MYEF2: variants seen among roughly 807,000 people sequenced by gnomAD.
The protein encoded by MYEF2 is myelin gene expression factor 2.
MYEF2 carries 37 observed loss-of-function variants against 75.2 expected under a neutral mutation model. The ratio of observed to expected loss-of-function variants is 0.49; its 90% CI spans 0.38 to 0.65. The LOEUF is 0.65. Among genes scored for constraint, MYEF2 ranks in the 30% least tolerant of loss-of-function variants. MYEF2 has a pLI of 0.00. For synonymous variants in MYEF2, 195 were observed against 241.6 expected, an observed-to-expected ratio of 0.81 and a Z score of 1.79; for missense variants, 634 against 771.4, an observed-to-expected ratio of 0.82 and a Z score of 2.11.
Position 48,135,041 on chromosome 15 carries a change from T to C in MYEF2, c.*7867A>G. ...TAGAGATTTTATGAATTTCTGATGG[T>C]TCAGTAATTTTTTTTCAGAAATGTT... On this transcript the variant is annotated 3_prime_UTR_variant, in exon 17 of 17. Transcript: ENST00000324324. 2.2e-6 allele frequency: 3 copies of C among 1,363,832 alleles called. No homozygotes were observed. Among genetic ancestry groups the C allele is most frequent in the Non-Finnish European group, 3.1e-6 (3 of 963,778 alleles). The allele number at this position is 1,363,832 out of a possible 1,614,324, so 84.5% of individuals were successfully genotyped here.
Position 48,137,060 on chromosome 15 carries a change from A to C in MYEF2, c.*5848T>G. The C allele has an allele frequency of 7.6e-7, 1 of 1,323,224 alleles. No homozygotes were observed. The highest frequency in any genetic ancestry group is 1.5e-5 in the South Asian group (1 of 66,040). 82.0% of individuals were successfully genotyped at this position (1,323,224 alleles called of 1,614,324 possible). On this transcript the variant is annotated 3_prime_UTR_variant, in exon 17 of 17. Coordinates refer to ENST00000324324, the MANE Select transcript of MYEF2 (RefSeq NM_016132.5). The stretch of plus-strand genomic sequence containing the variant: ...GCAAGTATTGTGTGCTTTTTATGTA[A>C]AAAAGACTGTGAAGACTCAGAAATG...
In MYEF2 at chr15:48,140,034, C is replaced by T. The variant is rs2039014130; in HGVS notation, c.*2874G>A. 6.6e-6 allele frequency: 1 copy of T among 151,822 alleles called. No homozygotes were observed. Among genetic ancestry groups the T allele is most frequent in the Non-Finnish European group, 1.5e-5 (1 of 67,928 alleles). The allele number at this position is 151,822 out of a possible 1,614,324, so 9.4% of individuals were successfully genotyped here. ...AAAATTTGTTGACCCTTGACTTTTC[C>T]CAAATTAATGTAAGTCTCAGAATAG... On this transcript the variant is annotated 3_prime_UTR_variant, in exon 17 of 17. Coordinates refer to ENST00000324324, the MANE Select transcript of MYEF2 (RefSeq NM_016132.5).
rs2039817616 is a variant in MYEF2 at position 48,158,912 on chromosome 15, T to C, written c.728A>G (p.Lys243Arg). Residue 243 changes from lysine (K) to arginine (R), a missense_variant, in exon 7 of 17, where the codon AAA (lysine) becomes AGA (arginine). Lys to Arg is a conservative substitution (Grantham distance 26, BLOSUM62 2). Transcript: ENST00000324324. ...TTCCTTTAGCTTCTTCCAACCAACT[T>C]TGAAGTCAAGCTTAATATAAAATTG... ...STIFVANLDF[K>R]VGWKKLKEVF... The C allele has an allele frequency of 6.2e-7, 1 of 1,613,288 alleles. No homozygotes were observed. Among genetic ancestry groups the C allele is most frequent in the Non-Finnish European group, 8.5e-7 (1 of 1,179,566 alleles).
At chr15:48,156,180 A>G (rs1158372280) in intron 9 of MYEF2, among the ~76,000 whole-genome samples, 3 of 152,182 alleles carry the variant, frequency 2.0e-5, no homozygotes, top group Non-Finnish European at 2.9e-5. Flanking sequence ...TTATATTAGA[A>G]AGGAAAAGCT....
intron 1 of MYEF2, among the ~76,000 whole-genome samples, chr15:48,172,066 C>T (rs759157205): frequency 7.9e-5 from 12 of 152,034 alleles, no homozygotes; most frequent in Non-Finnish European, 1.2e-4. Context: ...AGGAAAACTA[C>T]CAGAGGGCAG....
At position 48,158,019 on chromosome 15, in the gene MYEF2, T is replaced by C. The variant is rs776109396; in HGVS notation, c.959A>G (p.His320Arg). ...TGGTAATTGTGGTGTTTTACCATCA[T>C]GTGAACGGTACTCTTCATGAGGAAC... ...KSVPHEEYRS[H>R]DGKTPQLPRG... Residue 320 changes from histidine to arginine, a missense_variant, in exon 9 of 17, where the codon CAT (histidine) becomes CGT (arginine). Physicochemically the swap from His to Arg is conservative, Grantham distance 29. Transcript: ENST00000324324. The C allele has an allele frequency of 3.0e-5, 48 of 1,613,074 alleles. No individual in the cohort carries two copies. The highest frequency in any genetic ancestry group is 3.7e-5 in the Non-Finnish European group (44 of 1,179,442).
chr15:48,163,620 T>C (rs2140905306), intron 5 of MYEF2, among the ~76,000 whole-genome samples: 1 of 152,340 alleles, frequency 6.6e-6, no homozygotes, highest in Non-Finnish European at 1.5e-5. Flanking sequence ...AGATGCCATC[T>C]AGGACTTTCA....
rs371036489 is a variant in MYEF2 at position 48,149,129 on chromosome 15, G to T, written c.1587+34C>A. The T allele has an allele frequency of 4.3e-6, 7 of 1,612,076 alleles. No individual in the cohort carries two copies. The African/African-American group carries it at 8.0e-5, about 18-fold the overall frequency. On this transcript the variant is annotated intron_variant, in intron 15 of 16. Coordinates refer to ENST00000324324, the MANE Select transcript of MYEF2 (RefSeq NM_016132.5). The surrounding 1 kb of genome is among the most constrained non-coding windows in gnomAD (Gnocchi z 4.0). ...AGTAACATATATACAAGAAAAAAAA[G>T]AATTTGAATTATCCTTAATATTTAT...
chr15:48,169,381 T>C (rs2040242318), intron 1 of MYEF2, among the ~76,000 whole-genome samples: 1 of 152,324 alleles, frequency 6.6e-6, no homozygotes, highest in South Asian at 2.1e-4. Flanking sequence ...TATATATGAA[T>C]ATACTCACAT....
chr15:48,150,286 G>A (rs989446734), intron 14 of MYEF2, among the ~76,000 whole-genome samples: 1 of 152,002 alleles, frequency 6.6e-6, no homozygotes, highest in African/African-American at 2.4e-5. Flanking sequence ...AATAGGAAAT[G>A]GCTGAGGCTA....
intron 16 of MYEF2, among the ~76,000 whole-genome samples, chr15:48,144,828 G>A (rs541027748): frequency 3.2e-4 from 48 of 151,846 alleles, no homozygotes; most frequent in Middle Eastern, 3.4e-3. Context: ...GGATTTTCAA[G>A]GGCTTTTAAG....
chr15:48,172,594 C>G (rs889811985), intron 1 of MYEF2, among the ~76,000 whole-genome samples: 4 of 151,116 alleles, frequency 2.6e-5, no homozygotes, highest in African/African-American at 9.7e-5. Flanking sequence ...ATAAGCAAAA[C>G]TGACAAAGAT....
At position 48,166,020 on chromosome 15, in the gene MYEF2, A is replaced by G; in HGVS notation, c.438T>C (p.Val146=). The G allele has an allele frequency of 6.3e-7, 1 of 1,590,826 alleles. No individual in the cohort carries two copies. The highest frequency in any genetic ancestry group is 8.6e-7 in the Non-Finnish European group (1 of 1,168,142). The change falls in exon 5 of 17, where the codon GTT becomes GTC. Residue 146 remains valine, a synonymous_variant. Transcript: ENST00000324324. ...AEGKSRGCGV[V]EFKDEEFVKK... ...TTACAAATTCTTCATCTTTGAATTC[A>G]ACCACACTTAATAGGGAAAAAATTT...
At chr15:48,164,636 C>T (rs2040070123) in intron 5 of MYEF2, among the ~76,000 whole-genome samples, 1 of 152,082 alleles carries the variant, frequency 6.6e-6, no homozygotes, top group Admixed American at 6.6e-5. Flanking sequence ...AAGGAAGACT[C>T]AACTGATACA....
At chr15:48,160,798 A>G (rs572762578) in intron 5 of MYEF2, among the ~76,000 whole-genome samples, 1 of 152,234 alleles carries the variant, frequency 6.6e-6, no homozygotes, top group African/African-American at 2.4e-5. Context: ...TGGAGAATAA[A>G]AGGTGAAAAG....
intron 14 of MYEF2, chr15:48,150,080 C>T (rs904966453): frequency 2.0e-5 from 3 of 152,040 alleles, no homozygotes; most frequent in African/African-American, 7.2e-5. Flanking sequence ...TGCACTGACT[C>T]GATTTCCTGT....
chr15:48,144,095 T>G (rs1446880671), intron 16 of MYEF2, among the ~76,000 whole-genome samples: 2 of 151,996 alleles, frequency 1.3e-5, no homozygotes, highest in Admixed American at 1.3e-4. Flanking sequence ...AATATTATAG[T>G]TGCCAGATCA....
In MYEF2 at chr15:48,139,656, G is replaced by C. The variant is rs528964768; in HGVS notation, c.*3252C>G. The C allele has an allele frequency of 6.6e-6, 1 of 152,596 alleles. No individual in the cohort carries two copies. The highest frequency in any genetic ancestry group is 1.9e-4 in the East Asian group (1 of 5,196). The allele number at this position is 152,596 out of a possible 1,614,324, so 9.5% of individuals were successfully genotyped here. On this transcript the variant is annotated 3_prime_UTR_variant, in exon 17 of 17. Transcript: ENST00000324324. ...CGGCAATACAAACATATTATGAAAT[G>C]AGTGAAAAGGGCATAATAATTTTAT...
chr15:48,137,308 A>G lies in MYEF2; in HGVS notation c.*5600T>C. 4.6e-6 allele frequency: 1 copy of G among 215,994 alleles called. No individual in the cohort carries two copies. The highest frequency in any genetic ancestry group is 9.6e-5 in the South Asian group (1 of 10,430). 13.4% of individuals were successfully genotyped at this position (215,994 alleles called of 1,614,324 possible). ...TGGACAGGAAAGACTTTAACTAATG[A>G]CATATGTTATGACCAATAAGTAGCA... On this transcript the variant is annotated 3_prime_UTR_variant, in exon 17 of 17. Transcript: ENST00000324324.
Sources: gnomAD v4.1 joint callset for allele counts (sites outside exome capture counted in the v4.1 genomes callset) on GRCh38, gnomAD v4.1.1 for gene constraint, Gnocchi (gnomAD v3.1) non-coding constraint, MANE v1.5 for transcripts, NCBI Gene and HGNC (gene_info 2026-07-23, HGNC 2026-07-21) for gene names.